Variants in ZDHHC23 observed in about 807,000 individuals in gnomAD.
The protein encoded by ZDHHC23 is zDHHC palmitoyltransferase 23.
A neutral mutation model predicts 40.2 loss-of-function variants in ZDHHC23; 41 were observed. The observed-to-expected ratio is 1.02, with a 90% CI of 0.79 to 1.32. The LOEUF is 1.32. ZDHHC23 is among the 40% of genes most tolerant of loss of function. The pLI is 0.00. For missense variants in ZDHHC23, 471 were observed against 541.5 expected (o/e 0.87, Z 1.29); for synonymous variants, 204 against 210.2 (o/e 0.97, Z 0.26).
rs921404267 is a variant in ZDHHC23, at chr3:113,961,962, G to C, written c.*3332G>C. ...TTAGCCAGGATGTTTAAAAATTACA[G>C]TTTTGTGAGACTTAAGGGTCTTTTT... On this transcript the variant is annotated 3_prime_UTR_variant, in exon 5 of 5. Transcript: ENST00000638807. 6.6e-6 allele frequency: 1 copy of C among 152,558 alleles called. No homozygotes were observed. The highest frequency in any genetic ancestry group is 2.4e-5 in the African/African-American group (1 of 41,418). The allele number at this position is 152,558 out of a possible 1,614,324, so 9.5% of individuals were successfully genotyped here.
chr3:113,956,079 T>C (rs1422019109), intron 3 of ZDHHC23, among the ~76,000 whole-genome samples: 2 of 152,066 alleles, frequency 1.3e-5, no homozygotes, highest in Non-Finnish European at 2.9e-5. Flanking sequence ...CCATCTCTAC[T>C]CAAAATACAC....
rs1227906767 is a variant in ZDHHC23 at position 113,953,635 on chromosome 3, G to A, written c.162-65G>A. On this transcript the variant is annotated intron_variant, in intron 2 of 4. Transcript: ENST00000638807. ...TTTATCCCACTGTTTGGCATTCAGT[G>A]TTCTGTAGCTTTTAATTCAACAAAC... The A allele has an allele frequency of 3.5e-6, 5 of 1,421,204 alleles. No homozygotes were observed. In the East Asian group the frequency reaches 6.9e-5, roughly 20 times the overall value. The allele number at this position is 1,421,204 out of a possible 1,614,324, so 88.0% of individuals were successfully genotyped here.
At chr3:113,976,271 AAAAC>A in the ZDHHC23 span, among the ~76,000 whole-genome samples, 36 of 152,186 alleles carry the variant, frequency 2.4e-4, no homozygotes, top group Middle Eastern at 3.4e-3. Context: ...GGTAAAAAAA[AAAAC>A]AAAACAAAAC....
downstream of ZDHHC23, among the ~76,000 whole-genome samples, chr3:113,969,292 T>G (rs572871925): frequency 1.3e-5 from 2 of 152,308 alleles, no homozygotes; most frequent in African/African-American, 4.8e-5. Flanking sequence ...CTCTCTCTCT[T>G]TCTGTGGGTT....
chr3:113,954,839 C>T (rs1365556311), intron 3 of ZDHHC23, among the ~76,000 whole-genome samples: 1 of 152,128 alleles, frequency 6.6e-6, no homozygotes, highest in African/African-American at 2.4e-5. Flanking sequence ...GTCCCCTTGC[C>T]ATACATACTT....
the ZDHHC23 span, among the ~76,000 whole-genome samples, chr3:113,976,297 C>T: frequency 6.6e-6 from 1 of 150,656 alleles, no homozygotes; most frequent in African/African-American, 2.4e-5. Context: ...CAAAAACAAA[C>T]AAAAAAGACA....
downstream of ZDHHC23, chr3:113,965,160 C>A (rs765670138): frequency 6.3e-7 from 1 of 1,593,218 alleles, no homozygotes; most frequent in South Asian, 1.1e-5. Flanking sequence ...CTGGCTCATT[C>A]GTTCACCAGA....
At chr3:113,953,668 A>C in intron 2 of ZDHHC23, 32 bp from the exon 3 acceptor site, 1 of 1,567,244 alleles carries the variant, frequency 6.4e-7, no homozygotes, top group Non-Finnish European at 8.7e-7. Context: ...AACCCACATG[A>C]AGTCCCTCCT....
At chr3:113,971,616 A>G in the ZDHHC23 span, among the ~76,000 whole-genome samples, 3 of 152,156 alleles carry the variant, frequency 2.0e-5, no homozygotes, top group African/African-American at 7.2e-5. Flanking sequence ...TGTGTTCATC[A>G]GGGATATGTA....
At position 113,954,206 on chromosome 3, in the gene ZDHHC23, G is replaced by A. The variant is rs780185376; in HGVS notation, c.668G>A (p.Gly223Glu). 1 of 1,614,078 alleles carries A rather than the reference G, an allele frequency of 6.2e-7. No individual in the cohort carries two copies. Among genetic ancestry groups the A allele is most frequent in the East Asian group, 2.2e-5 (1 of 44,896 alleles). Reference sequence around the variant, plus strand: ...AGAAAAGGGCAGGAGAAGACCAAAGGGTTCCCTGGGGCAGACATGTCGGGC... The same window carrying A: ...AGAAAAGGGCAGGAGAAGACCAAAGAGTTCCCTGGGGCAGACATGTCGGGC... ...LSRKGQEKTK[G>E]FPGADMSGSL... The change falls in exon 3 of 5, where the codon GGG becomes GAG. Residue 223 changes from glycine to glutamate, a missense_variant. By Grantham distance (98) the Gly-to-Glu change is moderately conservative. Coordinates refer to ENST00000638807, the MANE Select transcript of ZDHHC23 (RefSeq NM_001320466.2).
downstream of ZDHHC23, chr3:113,965,309 A>G (rs1940004696): frequency 1.2e-6 from 2 of 1,610,578 alleles, no homozygotes; most frequent in African/African-American, 1.3e-5. Flanking sequence ...TTCCTCTTTC[A>G]TAAATTTTAC....
At chr3:113,948,659 T>C (rs1938359619) in intron 1 of ZDHHC23, 27 bp from the exon 2 acceptor site, 5 of 953,778 alleles carry the variant, frequency 5.2e-6, no homozygotes, top group East Asian at 2.6e-5. Context: ...CCCCTCCCCC[T>C]CTCTCTTCTC....
rs1435134054 is a variant in ZDHHC23, at chr3:113,948,904, A to AAAG, written c.105_107dup (p.Lys35dup). 4.3e-6 allele frequency: 7 copies of AAAG among 1,614,212 alleles called. No individual in the cohort carries two copies. The highest frequency in any genetic ancestry group is 5.1e-6 in the Non-Finnish European group (6 of 1,180,040). On this transcript the variant is annotated inframe_insertion, in exon 2 of 5. Transcript: ENST00000638807. ...GCGAGTACATAGATCGGAATGGGGAAAAGAACCACGTGGCTACTTGTTTGT... is the reference window on the plus strand; with the variant it reads ...GCGAGTACATAGATCGGAATGGGGAAAAGAAGAACCACGTGGCTACTTGTTTGT...
intron 4 of ZDHHC23, chr3:113,957,592 G>A (rs1193795307): frequency 4.6e-6 from 2 of 431,766 alleles, no homozygotes; most frequent in Admixed American, 2.4e-5. Context: ...CTGTGCAGGC[G>A]ATTCACAGCA....
chr3:113,975,088 G>C, the ZDHHC23 span, among the ~76,000 whole-genome samples: 1 of 152,170 alleles, frequency 6.6e-6, no homozygotes, highest in South Asian at 2.1e-4. Context: ...ATGCATGTAT[G>C]CATTTTCTGG....
chr3:113,965,186 G>T, downstream of ZDHHC23: 2 of 1,607,102 alleles, frequency 1.2e-6, no homozygotes, highest in African/African-American at 1.3e-5. Context: ...CTTACTCAAG[G>T]ACCAAGTATC....
chr3:113,953,666 T>A, intron 2 of ZDHHC23, 34 bp from the exon 3 acceptor site: 1 of 1,565,892 alleles, frequency 6.4e-7, no homozygotes, highest in African/African-American at 1.4e-5. Context: ...CAAACCCACA[T>A]GAAGTCCCTC....
chr3:113,954,743 A>G (rs1248837650), intron 3 of ZDHHC23, among the ~76,000 whole-genome samples: 28 of 152,190 alleles, frequency 1.8e-4, no homozygotes, highest in Admixed American at 1.8e-3. Context: ...AATTGATCAG[A>G]AACAGTATAA....
In ZDHHC23 at chr3:113,955,649, T is replaced by C. The variant is rs149321387; in HGVS notation, c.873-690T>C. 1.3e-3 allele frequency among the ~76,000 whole-genome samples: 197 copies of C among 152,346 alleles called. 1 individual carries two copies. The highest frequency in any genetic ancestry group is 4.4e-3 in the African/African-American group (182 of 41,584). On this transcript the variant is annotated intron_variant, in intron 3 of 4. Transcript: ENST00000638807. ...CATATATTTAACATGAATTTTCCCA[T>C]ACTATGTAATACTTCTGATTTAGCA...
Sources: allele counts gnomAD v4.1 joint callset (sites outside exome capture counted in the v4.1 genomes callset), GRCh38; gene constraint gnomAD v4.1.1; transcripts MANE v1.5; gene names NCBI Gene and HGNC (gene_info 2026-07-23, HGNC 2026-07-21).